The following XPR1 variants were observed in gnomAD, a reference collection of about 807,000 sequenced individuals.
XPR1 encodes xenotropic and polytropic retrovirus receptor 1, also known as solute carrier family 53 member 1.
XPR1 carries 28 observed loss-of-function variants against 87.5 expected under a neutral mutation model. The observed-to-expected ratio is 0.32, with a 90% CI of 0.24 to 0.44. XPR1 has a LOEUF of 0.44. Ranked by LOEUF, XPR1 falls within the 20% of genes least tolerant of loss-of-function variation. The pLI is 1.00. For missense variants in XPR1, 559 were observed against 862.3 expected (o/e 0.65, Z 4.41); for synonymous variants, 300 against 306.1 (o/e 0.98, Z 0.21).
chr1:180,688,868 T>A (rs1407892842), intron 2 of XPR1, among the ~76,000 whole-genome samples: 1 of 152,176 alleles, frequency 6.6e-6, no homozygotes, highest in African/African-American at 2.4e-5. Context: ...TATTTTTTTT[T>A]AAACTGCCTG....
chr1:180,784,227 T>C (rs902301942), intron 2 of XPR1, among the ~76,000 whole-genome samples: 1 of 152,102 alleles, frequency 6.6e-6, no homozygotes, highest in African/African-American at 2.4e-5. Context: ...TGTGTTCATT[T>C]ATCATTACCA....
At chr1:180,768,449 T>C (rs1648376643) in intron 2 of XPR1, among the ~76,000 whole-genome samples, 1 of 152,254 alleles carries the variant, frequency 6.6e-6, no homozygotes, top group South Asian at 2.1e-4. Context: ...GTGAGTGGCA[T>C]TTAGATTGAA....
chr1:180,753,485 C>G (rs1326621223), intron 2 of XPR1, among the ~76,000 whole-genome samples: 1 of 150,860 alleles, frequency 6.6e-6, no homozygotes, highest in African/African-American at 2.4e-5. Flanking sequence ...GCCCAGGAGG[C>G]GGAGGTTGCA....
intron 1 of XPR1, among the ~76,000 whole-genome samples, chr1:180,666,950 C>T (rs947236470): frequency 6.6e-6 from 1 of 151,600 alleles, no homozygotes; most frequent in Non-Finnish European, 1.5e-5. Context: ...AGGTCTCACT[C>T]TGTCACCCAG....
At chr1:180,790,766 C>T (rs968396869) in intron 3 of XPR1, among the ~76,000 whole-genome samples, 4 of 152,106 alleles carry the variant, frequency 2.6e-5, no homozygotes, top group African/African-American at 9.7e-5. Flanking sequence ...TGGTCTTGAT[C>T]TCCTGACCTC....
intron 11 of XPR1, among the ~76,000 whole-genome samples, chr1:180,840,532 T>TTGTGTGTGTGTGTGTGTGTGTG (rs373937004): frequency 1.8e-5 from 2 of 110,440 alleles, no homozygotes; most frequent in African/African-American, 6.7e-5. Flanking sequence ...GTTAACATAT[T>TTGTGTGTGTGTGTGTGTGTGTG]TGTGTGTGTG....
At chr1:180,729,744 G>A (rs181963434) in intron 2 of XPR1, among the ~76,000 whole-genome samples, 2 of 151,832 alleles carry the variant, frequency 1.3e-5, no homozygotes, top group Non-Finnish European at 2.9e-5. Flanking sequence ...CTTTTTAATG[G>A]GATTATTTGT....
chr1:180,789,064 G>A (rs1227203765), intron 3 of XPR1, among the ~76,000 whole-genome samples: 2 of 152,164 alleles, frequency 1.3e-5, no homozygotes, highest in African/African-American at 4.8e-5. Context: ...AAAAGAGTCA[G>A]TGAGAAACAG....
At chr1:180,836,252 A>G (rs965411374) in intron 10 of XPR1, among the ~76,000 whole-genome samples, 2 of 151,972 alleles carry the variant, frequency 1.3e-5, no homozygotes, top group African/African-American at 4.8e-5. Context: ...CAGCTACTCA[A>G]AAGGCTGAGA....
At chr1:180,639,523 C>T (rs548297758) in intron 1 of XPR1, among the ~76,000 whole-genome samples, 2 of 152,006 alleles carry the variant, frequency 1.3e-5, no homozygotes, top group Admixed American at 6.5e-5. Context: ...ATTGACTATT[C>T]GTAAATAACT....
chr1:180,811,545 C>A (rs756842233), intron 7 of XPR1, 57 bp downstream of exon 7: 7 of 1,368,392 alleles, frequency 5.1e-6, no homozygotes, highest in South Asian at 1.3e-5. Context: ...GTGTCATATT[C>A]TGCCCCTCTG....
At chr1:180,715,839 A>G (rs1245272398) in intron 2 of XPR1, among the ~76,000 whole-genome samples, 1 of 151,814 alleles carries the variant, frequency 6.6e-6, no homozygotes, top group Non-Finnish European at 1.5e-5. Context: ...CACCCAGCTA[A>G]TTTTTGTATT....
intron 13 of XPR1, among the ~76,000 whole-genome samples, chr1:180,875,937 A>T (rs1652649636): frequency 3.3e-5 from 5 of 152,140 alleles, no homozygotes; most frequent in Admixed American, 3.3e-4. Flanking sequence ...AAATTTAAAA[A>T]TTTAGATGAA....
chr1:180,772,216 A>G (rs1648543515), intron 2 of XPR1, among the ~76,000 whole-genome samples: 1 of 151,990 alleles, frequency 6.6e-6, no homozygotes, highest in African/African-American at 2.4e-5. Context: ...AGCTTCTTCA[A>G]GTTGGAAGAA....
intron 2 of XPR1, among the ~76,000 whole-genome samples, chr1:180,732,772 C>T (rs1346156088): frequency 1.3e-5 from 2 of 152,146 alleles, no homozygotes; most frequent in Non-Finnish European, 2.9e-5. Context: ...TCAATTAGAC[C>T]CTTTACCTTG....
At chr1:180,845,746 C>T (rs1269734601) in intron 11 of XPR1, among the ~76,000 whole-genome samples, 3 of 62,338 alleles carry the variant, frequency 4.8e-5, no homozygotes, top group South Asian at 7.8e-4. Context: ...TAGTCTCAAA[C>T]TCAGTCTTCC....
At chr1:180,801,328 G>A (rs1409508175) in intron 3 of XPR1, among the ~76,000 whole-genome samples, 2 of 152,182 alleles carry the variant, frequency 1.3e-5, no homozygotes, top group Admixed American at 6.5e-5. Flanking sequence ...CCCCTCAGGG[G>A]GATGTGATTG....
intron 1 of XPR1, among the ~76,000 whole-genome samples, chr1:180,637,449 T>G (rs980111515): frequency 2.6e-5 from 4 of 152,212 alleles, no homozygotes; most frequent in Non-Finnish European, 5.9e-5. Context: ...CTGAGGTTTC[T>G]CCTTCTAGTA....
chr1:180,843,783 C>T (rs1031583831), intron 11 of XPR1, among the ~76,000 whole-genome samples: 1 of 151,380 alleles, frequency 6.6e-6, no homozygotes, highest in African/African-American at 2.4e-5. Context: ...CTTAATTGCT[C>T]TTAAAACTGA....
Sources: allele counts gnomAD v4.1 joint callset (sites outside exome capture counted in the v4.1 genomes callset), GRCh38; gene constraint gnomAD v4.1.1; transcripts MANE v1.5; gene names NCBI Gene and HGNC (gene_info 2026-07-23, HGNC 2026-07-21).